Variants in ATR observed in about 807,000 individuals in gnomAD.
The protein encoded by ATR is ATR checkpoint kinase, also known as serine/threonine-protein kinase ATR.
In ATR, 142 loss-of-function variants were observed where a neutral mutation model predicts 305.3. The observed-to-expected ratio is 0.47, with a 90% CI of 0.41 to 0.53. The LOEUF (loss-of-function observed/expected upper bound fraction) is 0.53, where lower values mean the gene tolerates loss of function less well. ATR is among the 20% of genes least tolerant of loss of function. ATR has a pLI of 0.00. For missense variants in ATR, 2,135 were observed against 3,133.1 expected, an observed-to-expected ratio of 0.68 and a Z score of 7.60; for synonymous variants, 1,050 against 1,068.1, an observed-to-expected ratio of 0.98 and a Z score of 0.33.
rs142918229 is a variant in ATR at position 142,462,044 on chromosome 3, C to G, written c.7088G>C (p.Arg2363Pro). 6.2e-7 allele frequency: 1 copy of G among 1,612,676 alleles called. No homozygotes were observed. Among genetic ancestry groups the G allele is most frequent in the African/African-American group, 1.3e-5 (1 of 74,954 alleles). The change falls in exon 42 of 47, where the codon CGA becomes CCA. Residue 2363 changes from arginine (R) to proline (P), a missense_variant. Arg to Pro is a moderately radical substitution (Grantham distance 103). Around this residue, in one of 9 missense-constraint regions of ATR, gnomAD observed 462 missense variants for 887.6 expected, o/e 0.52. Coordinates refer to ENST00000350721, the MANE Select transcript of ATR (RefSeq NM_001184.4). ...AESRRRELHI[R>P]TYAVIPLNDE... ...ATTTAGTGGAATAACTGCATATGTT[C>G]GAATATGAAGTTCTCTTCTACGAGA...
chr3:142,502,261 C>G lies in ATR; in HGVS notation c.5288+1101G>C, dbSNP rs748727608. Among the ~76,000 whole-genome samples the G allele has an allele frequency of 8.5e-5, 13 of 152,322 alleles. No individual in the cohort carries two copies. The Middle Eastern group carries it at 0.014, about 159-fold the overall frequency. On this transcript the variant is annotated intron_variant, in intron 30 of 46. Coordinates refer to ENST00000350721, the MANE Select transcript of ATR (RefSeq NM_001184.4). ...ATCCATTCTACCAAAAAGATACATACACTCGTATGTTCATTGCAGCACTAT... is the reference window on the plus strand; with the variant it reads ...ATCCATTCTACCAAAAAGATACATAGACTCGTATGTTCATTGCAGCACTAT...
chr3:142,462,505 G>C (rs1203801173), intron 41 of ATR, among the ~76,000 whole-genome samples: 1 of 148,746 alleles, frequency 6.7e-6, no homozygotes, highest in Admixed American at 6.7e-5. Context: ...GTCTTGCTCT[G>C]TCGCCCAAGC....
intron 36 of ATR, among the ~76,000 whole-genome samples, chr3:142,480,670 G>A (rs1009454377): frequency 2.6e-5 from 4 of 152,186 alleles, no homozygotes; most frequent in South Asian, 4.1e-4. Context: ...GTTCAGCTAT[G>A]CCCTGCCCCC....
intron 12 of ATR, 66 bp from the exon 13 acceptor site, chr3:142,553,464 A>C: frequency 6.6e-7 from 1 of 1,508,612 alleles, no homozygotes; most frequent in Non-Finnish European, 9.1e-7. Context: ...ACACATACAC[A>C]CACATATGTA....
rs1017196774 is a variant in ATR, at chr3:142,575,542, G to A, written c.59+3104C>T. On this transcript the variant is annotated intron_variant, in intron 1 of 46. Coordinates refer to ENST00000350721, the MANE Select transcript of ATR (RefSeq NM_001184.4). ...ACTTCCTATTCCATCCCAGATTCAC[G>A]TGACTAGCTTCTTTACACCATCAAA... Among the ~76,000 whole-genome samples, 7 of 150,758 alleles carry A rather than the reference G, an allele frequency of 4.6e-5. 1 individual carries two copies. The South Asian group carries it at 1.0e-3, about 23-fold the overall frequency.
intron 40 of ATR, 60 bp from the exon 41 acceptor site, chr3:142,465,300 TA>T: frequency 1.5e-6 from 2 of 1,360,470 alleles, no homozygotes; most frequent in Admixed American, 3.6e-5. Flanking sequence ...AATGTCTATA[TA>T]TTATAAACCT....
chr3:142,503,280 A>G, intron 30 of ATR, 82 bp downstream of exon 30: 1 of 968,166 alleles, frequency 1.0e-6, no homozygotes, highest in South Asian at 1.4e-5. Flanking sequence ...TACTCTACTA[A>G]ACATTAAATT....
At chr3:142,535,994 A>G in intron 20 of ATR, 114 bp downstream of exon 20, 1 of 761,092 alleles carries the variant, frequency 1.3e-6, no homozygotes, top group South Asian at 1.6e-5. Context: ...AGCTATCAGA[A>G]TAGGACTATA....
rs774382399 is a variant in ATR at position 142,466,319 on chromosome 3, T to C, written c.6897+5A>G. The C allele has an allele frequency of 4.0e-5, 65 of 1,611,532 alleles. No individual in the cohort carries two copies. Among genetic ancestry groups the C allele is most frequent in the Non-Finnish European group, 5.4e-5 (64 of 1,177,824 alleles). The stretch of plus-strand genomic sequence containing the variant: ...AAATCATAGTCATATAAAACTGAAG[T>C]TTACCATATCATCAAACCCTGCAAT... On this transcript the variant is annotated splice_donor_5th_base_variant and intron_variant, in intron 40 of 46. Transcript: ENST00000350721.
intron 17 of ATR, among the ~76,000 whole-genome samples, chr3:142,541,852 CA>C (rs1447921305): frequency 6.6e-6 from 1 of 151,130 alleles, no homozygotes; most frequent in Non-Finnish European, 1.5e-5. Flanking sequence ...AATATGGTAA[CA>C]TATGTCTTTC....
Position 142,476,605 on chromosome 3 carries a change from A to G in ATR, c.6222-6422T>C, listed in dbSNP as rs1437820738. ...CTTTTTTGGTTTCATATGAACTTTA[A>G]AGTAGTTTTTTCCAATTCTGTGAAG... On this transcript the variant is annotated intron_variant, in intron 36 of 46. Transcript: ENST00000350721. Among the ~76,000 whole-genome samples the G allele has an allele frequency of 2.0e-5, 3 of 152,192 alleles. No individual in the cohort carries two copies. In the East Asian group the frequency reaches 5.8e-4, roughly 29 times the overall value.
intron 30 of ATR, among the ~76,000 whole-genome samples, chr3:142,501,674 G>A (rs1037124648): frequency 6.6e-6 from 1 of 152,070 alleles, no homozygotes; most frequent in African/African-American, 2.4e-5. Flanking sequence ...CATGCTCGTC[G>A]TCACAATTAT....
At chr3:142,561,569 T>C (rs1414194389) in intron 4 of ATR, 148 bp from the exon 5 acceptor site, 3 of 792,002 alleles carry the variant, frequency 3.8e-6, no homozygotes, top group Non-Finnish European at 6.0e-6. Flanking sequence ...TCTAAATTGA[T>C]CTATATTATT....
chr3:142,571,156 G>A (rs1421976352), intron 1 of ATR, among the ~76,000 whole-genome samples: 2 of 152,230 alleles, frequency 1.3e-5, no homozygotes, highest in South Asian at 4.1e-4. Context: ...GCTGGGGAGA[G>A]GAGAGGAATG....
intron 42 of ATR, among the ~76,000 whole-genome samples, chr3:142,460,144 A>G (rs2070992912): frequency 6.6e-6 from 1 of 152,156 alleles, no homozygotes; most frequent in African/African-American, 2.4e-5. Context: ...TAGACAAGTT[A>G]CGTAAGTTCT....
At chr3:142,537,428 T>C (rs1459361133) in intron 19 of ATR, among the ~76,000 whole-genome samples, 1 of 152,056 alleles carries the variant, frequency 6.6e-6, no homozygotes, top group Non-Finnish European at 1.5e-5. Context: ...ATGACACTTC[T>C]GCAATAAACA....
At chr3:142,515,772 C>T (rs544501264) in intron 24 of ATR, among the ~76,000 whole-genome samples, 2 of 152,102 alleles carry the variant, frequency 1.3e-5, no homozygotes, top group Non-Finnish European at 2.9e-5. Context: ...AAACCTGTTC[C>T]TTTGAAGTTC....
chr3:142,538,268 C>A (rs1275929667), intron 19 of ATR, among the ~76,000 whole-genome samples: 1 of 152,096 alleles, frequency 6.6e-6, no homozygotes, highest in Non-Finnish European at 1.5e-5. Context: ...TAACTGGTGA[C>A]CTATTAGTGA....
intron 1 of ATR, among the ~76,000 whole-genome samples, chr3:142,576,085 TAAG>T (rs1367249923): frequency 7.2e-5 from 11 of 152,186 alleles, no homozygotes; most frequent in Non-Finnish European, 1.5e-4. Context: ...ATAGTTCAGG[TAAG>T]AAATTCTGGT....
Sources: allele counts gnomAD v4.1 joint callset (sites outside exome capture counted in the v4.1 genomes callset), GRCh38; gene constraint gnomAD v4.1.1; regional missense constraint gnomAD v4.1.1; transcripts MANE v1.5; gene names NCBI Gene and HGNC (gene_info 2026-07-23, HGNC 2026-07-21).